Variants in IL17RD observed in about 807,000 individuals in gnomAD.
The protein encoded by IL17RD is interleukin-17 receptor D.
Under a neutral mutation model 80.5 loss-of-function variants are expected in IL17RD, and 52 were observed. That is an observed-to-expected ratio of 0.65 (90% CI 0.52 to 0.81). IL17RD has a LOEUF of 0.81. Among genes scored for constraint, IL17RD ranks in the 40% least tolerant of loss-of-function variants. IL17RD has a pLI of 0.00. For missense variants in IL17RD, 1,024 were observed against 955.1 expected, an observed-to-expected ratio of 1.07 and a Z score of -0.95; for synonymous variants, 416 against 391.8, an observed-to-expected ratio of 1.06 and a Z score of -0.73.
intron 1 of IL17RD, among the ~76,000 whole-genome samples, chr3:57,143,168 G>A (rs1314556638): frequency 6.6e-6 from 1 of 152,128 alleles, no homozygotes; most frequent in Non-Finnish European, 1.5e-5. Context: ...AGAGGAAAAC[G>A]GTATGTCAAA....
intron 1 of IL17RD, among the ~76,000 whole-genome samples, chr3:57,146,610 C>CGTG (rs1004745150): frequency 9.2e-5 from 14 of 151,572 alleles, no homozygotes; most frequent in African/African-American, 3.4e-4. Flanking sequence ...ATTAGCTGAG[C>CGTG]GTGATGGTGC....
At chr3:57,128,767 C>T (rs1158416277) in intron 1 of IL17RD, among the ~76,000 whole-genome samples, 1 of 152,242 alleles carries the variant, frequency 6.6e-6, no homozygotes, top group East Asian at 1.9e-4. Flanking sequence ...GCAGCTAAAA[C>T]CCAGAGATAT....
chr3:57,127,501 G>A (rs1707521425), intron 1 of IL17RD, among the ~76,000 whole-genome samples: 1 of 149,120 alleles, frequency 6.7e-6, no homozygotes, highest in Admixed American at 6.8e-5. Context: ...CACCTCCTGG[G>A]TTCAAGAGAT....
intron 1 of IL17RD, among the ~76,000 whole-genome samples, chr3:57,121,858 G>A (rs151166098): frequency 4.8e-4 from 73 of 152,180 alleles, no homozygotes; most frequent in African/African-American, 1.8e-3. Context: ...AAATCACACT[G>A]TTCTGTGCTC....
chr3:57,165,644 CAAAG>C (rs1184097915), upstream of IL17RD, among the ~76,000 whole-genome samples: 3 of 151,866 alleles, frequency 2.0e-5, no homozygotes, highest in Non-Finnish European at 2.9e-5. Context: ...GAGGAAAACA[CAAAG>C]AATGTAATAA....
chr3:57,112,770 G>C (rs1707127964), intron 3 of IL17RD, among the ~76,000 whole-genome samples: 1 of 152,174 alleles, frequency 6.6e-6, no homozygotes, highest in Non-Finnish European at 1.5e-5. Context: ...TCCCTCTCCT[G>C]CAATCTGGTT....
In IL17RD at chr3:57,158,548, A is replaced by G. The variant is rs190703561; in HGVS notation, c.126+6613T>C. Among the ~76,000 whole-genome samples the G allele has an allele frequency of 1.5e-4, 23 of 152,326 alleles. No individual in the cohort carries two copies. The East Asian group carries it at 4.4e-3, about 29-fold the overall frequency. Reference sequence around the variant, plus strand: ...GATTTGTTGAGGACAGCTGGTACCTATTAAGTCCCCCCCTTTAAATGTTGT... The same window carrying G: ...GATTTGTTGAGGACAGCTGGTACCTGTTAAGTCCCCCCCTTTAAATGTTGT... On this transcript the variant is annotated intron_variant, in intron 1 of 12. Coordinates refer to ENST00000296318, the MANE Select transcript of IL17RD (RefSeq NM_017563.5).
upstream of IL17RD, among the ~76,000 whole-genome samples, chr3:57,169,642 T>C (rs1333444089): frequency 6.6e-6 from 1 of 152,212 alleles, no homozygotes; most frequent in Non-Finnish European, 1.5e-5. Flanking sequence ...TTAGAAGCAG[T>C]CGGCCCAAAT....
intron 1 of IL17RD, among the ~76,000 whole-genome samples, chr3:57,152,830 C>T (rs760046028): frequency 8.7e-4 from 133 of 152,186 alleles, no homozygotes; most frequent in Non-Finnish European, 1.4e-3. Context: ...TTGGAGGATA[C>T]GTTTTTAGTA....
chr3:57,120,098 G>A (rs1293175511), intron 2 of IL17RD, among the ~76,000 whole-genome samples, 158 bp downstream of exon 2: 1 of 152,154 alleles, frequency 6.6e-6, no homozygotes, highest in Non-Finnish European at 1.5e-5. Context: ...TACTTGAGTG[G>A]CCTAATTGAG....
In IL17RD at chr3:57,102,510, G is replaced by T. The variant is rs148693397; in HGVS notation, c.948C>A (p.Leu316=). Residue 316 remains leucine, a synonymous_variant, in exon 10 of 13, where the codon CTC becomes CTA. Transcript: ENST00000296318. ...PLVVISAFAT[L]FTVMCRKKQQ... ...GCTTCTTGCGGCACATCACAGTGAA[G>T]AGCGTCGCGAATGCCGATATGACTA... The T allele has an allele frequency of 9.1e-5, 144 of 1,578,810 alleles. No individual in the cohort carries two copies. In the African/African-American group the frequency reaches 1.8e-3, roughly 20 times the overall value.
chr3:57,105,203 A>G (rs1234534976), intron 7 of IL17RD, among the ~76,000 whole-genome samples: 1 of 152,082 alleles, frequency 6.6e-6, no homozygotes, highest in Non-Finnish European at 1.5e-5. Flanking sequence ...CATAAAGCTC[A>G]GGGCCTGCCA....
intron 1 of IL17RD, among the ~76,000 whole-genome samples, chr3:57,149,381 T>C (rs770631716): frequency 1.2e-4 from 18 of 151,952 alleles, no homozygotes; most frequent in Non-Finnish European, 2.5e-4. Context: ...CATCCCAAGG[T>C]TCCTTCTTCT....
At chr3:57,148,336 A>AG (rs1426916648) in intron 1 of IL17RD, among the ~76,000 whole-genome samples, 2 of 151,782 alleles carry the variant, frequency 1.3e-5, no homozygotes, top group African/African-American at 4.8e-5. Flanking sequence ...AAAAAAAAAA[A>AG]AAAAGAAAAG....
intron 1 of IL17RD, among the ~76,000 whole-genome samples, chr3:57,157,561 G>A (rs2060276413): frequency 1.3e-5 from 2 of 152,234 alleles, no homozygotes; most frequent in Non-Finnish European, 2.9e-5. Flanking sequence ...AACCGTGTGA[G>A]TGCCTGTGCT....
intron 1 of IL17RD, among the ~76,000 whole-genome samples, chr3:57,143,380 G>T (rs72875822): frequency 0.018 from 2,664 of 152,224 alleles, 81 homozygotes; most frequent in African/African-American, 0.059. Flanking sequence ...CTCAACAAAG[G>T]CTACGTCATT....
intron 1 of IL17RD, among the ~76,000 whole-genome samples, chr3:57,146,538 G>A (rs747724976): frequency 9.2e-5 from 14 of 152,026 alleles, no homozygotes; most frequent in Non-Finnish European, 1.6e-4. Context: ...ATCACCTGTG[G>A]TTGGGAGTTC....
chr3:57,105,518 C>CA (rs1706934241), intron 7 of IL17RD, among the ~76,000 whole-genome samples: 2 of 88,728 alleles, frequency 2.3e-5, no homozygotes, highest in Non-Finnish European at 2.1e-5. Flanking sequence ...GCCTGGGCAA[C>CA]AGAGCAAGAC....
chr3:57,146,043 GCGCA>G (rs900646609), intron 1 of IL17RD, among the ~76,000 whole-genome samples: 3 of 140,610 alleles, frequency 2.1e-5, no homozygotes, highest in Non-Finnish European at 3.1e-5. Context: ...GCGCGCGCGC[GCGCA>G]CACACACACA....
Sources: allele counts gnomAD v4.1 joint callset (sites outside exome capture counted in the v4.1 genomes callset), GRCh38; gene constraint gnomAD v4.1.1; transcripts MANE v1.5; gene names NCBI Gene and HGNC (gene_info 2026-07-23, HGNC 2026-07-21).